ERC2: variants seen among roughly 807,000 people sequenced by gnomAD.
ERC2 encodes ELKS/RAB6-interacting/CAST family member 2, also known as ERC protein 2.
Under a neutral mutation model 114.8 loss-of-function variants are expected in ERC2, and 42 were observed. The observed-to-expected ratio is 0.37, with a 90% CI of 0.29 to 0.47. The LOEUF (loss-of-function observed/expected upper bound fraction) is 0.47. Ranked by LOEUF, ERC2 falls within the 20% of genes least tolerant of loss-of-function variation. The probability of loss-of-function intolerance (pLI) is 0.99; values close to 1 mark genes in which losing one functional copy is unlikely to be tolerated. For synonymous variants in ERC2, 454 were observed against 425.5 expected (o/e 1.07, Z -0.82); for missense variants, 939 against 1,150.7 (o/e 0.82, Z 2.66).
chr3:55,646,195 T>G (rs1236443114), intron 17 of ERC2, among the ~76,000 whole-genome samples: 1 of 152,214 alleles, frequency 6.6e-6, no homozygotes, highest in Non-Finnish European at 1.5e-5. Context: ...GTTTCTTTCT[T>G]GCATATCGGT....
chr3:56,140,134 A>T lies in ERC2; in HGVS notation c.1306-458T>A, dbSNP rs1377379517. 1.3e-5 allele frequency among the ~76,000 whole-genome samples: 2 copies of T among 152,190 alleles called. 1 individual carries two copies. Among genetic ancestry groups the T allele is most frequent in the African/African-American group, 4.8e-5 (2 of 41,446 alleles). On this transcript the variant is annotated intron_variant, in intron 5 of 17. Transcript: ENST00000288221. ...CCTAAAAAACAAGTAAGCACTGGGGATCATCTTTTTGCTTACATTAAATAT... is the reference window on the plus strand; with the variant it reads ...CCTAAAAAACAAGTAAGCACTGGGGTTCATCTTTTTGCTTACATTAAATAT...
rs145751343 is a variant in ERC2 at position 55,773,419 on chromosome 3, CT to C, written c.2565-38502del. On this transcript the variant is annotated intron_variant, in intron 14 of 17. Coordinates refer to ENST00000288221, the MANE Select transcript of ERC2 (RefSeq NM_015576.3). ...TTGTGATCCCAACATTTCAGATTCC[CT>C]TTTCTGACTTCAAATCTTTCTCTTT... 7.6e-3 allele frequency among the ~76,000 whole-genome samples: 1,160 copies of C among 152,324 alleles called. 10 individuals are homozygous for C. The highest frequency in any genetic ancestry group is 0.027 in the African/African-American group (1,102 of 41,580).
At chr3:55,692,324 C>T (rs1439615199) in intron 16 of ERC2, among the ~76,000 whole-genome samples, 1 of 152,142 alleles carries the variant, frequency 6.6e-6, no homozygotes, top group African/African-American at 2.4e-5. Context: ...TGTGAGGCCC[C>T]ACCAACTTCT....
At chr3:55,547,319 G>A (rs769988260) in intron 17 of ERC2, among the ~76,000 whole-genome samples, 1 of 152,258 alleles carries the variant, frequency 6.6e-6, no homozygotes, top group African/African-American at 2.4e-5. Context: ...CTGGGAGGCA[G>A]GGTAGGGCCC....
chr3:55,953,775 C>T (rs917742032), intron 12 of ERC2, among the ~76,000 whole-genome samples: 4 of 151,898 alleles, frequency 2.6e-5, no homozygotes, highest in African/African-American at 9.7e-5. Context: ...CTCACAGATG[C>T]TCAGTGAAAA....
In ERC2 at chr3:55,843,526, C is replaced by T. The variant is rs9861728; in HGVS notation, c.2564+44863G>A. Among the ~76,000 whole-genome samples the T allele has an allele frequency of 8.5e-3, 1,298 of 152,330 alleles. 24 individuals carry two copies. Among genetic ancestry groups the T allele is most frequent in the African/African-American group, 0.03 (1,240 of 41,580 alleles). ...CCCCAACCACCCAATGGTGCAAGTT[C>T]AAGAAGAGATCAAAAGTGTGATTTA... On this transcript the variant is annotated intron_variant, in intron 14 of 17. Coordinates refer to ENST00000288221, the MANE Select transcript of ERC2 (RefSeq NM_015576.3).
At chr3:55,774,874 G>T (rs543797161) in intron 14 of ERC2, among the ~76,000 whole-genome samples, 7 of 152,146 alleles carry the variant, frequency 4.6e-5, no homozygotes, top group Non-Finnish European at 8.8e-5. Flanking sequence ...AGAATGGCAC[G>T]TTTTACAAGT....
At chr3:55,784,325 A>T (rs1222607708) in intron 14 of ERC2, among the ~76,000 whole-genome samples, 1 of 152,208 alleles carries the variant, frequency 6.6e-6, no homozygotes, top group Admixed American at 6.5e-5. Context: ...TATTTACAGA[A>T]ATGCCAGAAG....
At chr3:56,160,382 T>C (rs937520926) in intron 4 of ERC2, among the ~76,000 whole-genome samples, 8 of 152,224 alleles carry the variant, frequency 5.3e-5, no homozygotes, top group African/African-American at 1.4e-4. Context: ...ATTAGATCTT[T>C]GCTGGATGTG....
intron 14 of ERC2, among the ~76,000 whole-genome samples, chr3:55,817,278 C>T (rs541445685): frequency 5.2e-4 from 79 of 152,304 alleles, no homozygotes; most frequent in African/African-American, 1.4e-3. Flanking sequence ...TACTCTGGTC[C>T]CTGTTGCAAT....
chr3:56,379,551 G>T (rs979307302), intron 2 of ERC2, among the ~76,000 whole-genome samples: 1 of 152,066 alleles, frequency 6.6e-6, no homozygotes, highest in African/African-American at 2.4e-5. Flanking sequence ...TTTCCCTAAG[G>T]TCACACTTCA....
At chr3:55,558,527 A>T (rs1376900981) in intron 17 of ERC2, among the ~76,000 whole-genome samples, 1 of 152,224 alleles carries the variant, frequency 6.6e-6, no homozygotes, top group Non-Finnish European at 1.5e-5. Flanking sequence ...TTTCCTGAAA[A>T]GTGGACATGA....
At chr3:56,105,252 G>T (rs2078590511) in intron 6 of ERC2, among the ~76,000 whole-genome samples, 1 of 152,076 alleles carries the variant, frequency 6.6e-6, no homozygotes, top group African/African-American at 2.4e-5. Context: ...CACAGACCTG[G>T]GTGTCACTGT....
At chr3:56,436,845 A>C (rs573322929) in intron 1 of ERC2, among the ~76,000 whole-genome samples, 47 of 152,322 alleles carry the variant, frequency 3.1e-4, no homozygotes, top group Non-Finnish European at 5.9e-4. Flanking sequence ...GGTGGAGACA[A>C]TACAAAGGGA....
At chr3:56,424,273 A>ATTT (rs551484789) in intron 2 of ERC2, among the ~76,000 whole-genome samples, 1 of 147,174 alleles carries the variant, frequency 6.8e-6, no homozygotes, top group Non-Finnish European at 1.5e-5. Context: ...AAATACCCTG[A>ATTT]TTTTTTTTTT....
At chr3:56,018,303 C>T (rs1440508977) in intron 8 of ERC2, among the ~76,000 whole-genome samples, 1 of 152,164 alleles carries the variant, frequency 6.6e-6, no homozygotes, top group East Asian at 1.9e-4. Context: ...CCCAGGCAGT[C>T]TAGCTCCAAA....
At chr3:56,117,615 A>G (rs7629639) in intron 6 of ERC2, among the ~76,000 whole-genome samples, 17,716 of 152,248 alleles carry the variant, frequency 0.12, 1,174 homozygotes, top group Non-Finnish European at 0.14. Context: ...GGGTGTTGTG[A>G]AAATAGCATG....
At chr3:55,899,379 A>G (rs1013730137) in intron 13 of ERC2, among the ~76,000 whole-genome samples, 4 of 152,218 alleles carry the variant, frequency 2.6e-5, no homozygotes, top group Non-Finnish European at 4.4e-5. Flanking sequence ...TAAAAATCAG[A>G]ATAAAAGTTT....
intron 6 of ERC2, among the ~76,000 whole-genome samples, chr3:56,093,786 C>T (rs145962340): frequency 8.4e-4 from 127 of 152,012 alleles, no homozygotes; most frequent in Middle Eastern, 3.4e-3. Context: ...TAAAACAATA[C>T]TAGGTGTCTA....
Sources: gnomAD v4.1 joint callset for allele counts (sites outside exome capture counted in the v4.1 genomes callset) on GRCh38, gnomAD v4.1.1 for gene constraint, MANE v1.5 for transcripts, NCBI Gene and HGNC (gene_info 2026-07-23, HGNC 2026-07-21) for gene names.